The following WDR37 variants were observed in gnomAD, a reference collection of about 807,000 sequenced individuals.
The protein encoded by WDR37 is WD repeat-containing protein 37.
Under a neutral mutation model 62.9 loss-of-function variants are expected in WDR37, and 19 were observed. The observed-to-expected ratio is 0.30, with a 90% CI of 0.21 to 0.44. The LOEUF is 0.44. Among genes scored for constraint, WDR37 ranks in the 20% least tolerant of loss-of-function variants. The pLI, the probability that WDR37 is intolerant of heterozygous loss-of-function variation, is 1.00. For missense variants in WDR37, 474 were observed against 657.6 expected (o/e 0.72, Z 3.05); for synonymous variants, 250 against 260.9 (o/e 0.96, Z 0.40).
intron 1 of WDR37, among the ~76,000 whole-genome samples, chr10:1,066,262 C>T (rs1833538380): frequency 6.6e-6 from 1 of 152,060 alleles, no homozygotes; most frequent in Non-Finnish European, 1.5e-5. Context: ...ACTACAGGTG[C>T]CTGCCACCAC....
Position 1,064,583 on chromosome 10 carries a change from C to CTTTTTTTTTTTTTTTTTT in WDR37, c.-40-7520_-40-7503dup, listed in dbSNP as rs71376884. Among the ~76,000 whole-genome samples, 3 of 70,464 alleles carry CTTTTTTTTTTTTTTTTTT rather than the reference C, an allele frequency of 4.3e-5. 1 individual carries two copies. The highest frequency in any genetic ancestry group is 1.8e-4 in the African/African-American group (3 of 16,548). The allele number at this position is 70,464 out of a possible 152,430, so 46.2% of individuals were successfully genotyped here. A position where few individuals can be genotyped will look rare whatever the true frequency, so the allele number is the denominator to read the frequency against. The stretch of plus-strand genomic sequence containing the variant: ...GGAAACAATTTGAGTGACAATGGAT[C>CTTTTTTTTTTTTTTTTTT]TTTTTTTTTTTTTTTTTTTTTTTTT... On this transcript the variant is annotated intron_variant, in intron 1 of 13. Transcript: ENST00000263150.
At chr10:1,104,167 A>G (rs1834910892) in intron 10 of WDR37, among the ~76,000 whole-genome samples, 1 of 152,178 alleles carries the variant, frequency 6.6e-6, no homozygotes, top group South Asian at 2.1e-4. Flanking sequence ...TTCCCAGGTC[A>G]GTAATTCTGG....
In WDR37 at chr10:1,096,549, C is replaced by T. The variant is rs1264788059; in HGVS notation, c.726+303C>T. The T allele has an allele frequency of 9.9e-6, 4 of 402,062 alleles. No homozygotes were observed. In the Admixed American group the frequency reaches 1.2e-4, roughly 12 times the overall value. 24.9% of individuals were successfully genotyped at this position (402,062 alleles called of 1,614,324 possible). On this transcript the variant is annotated intron_variant, in intron 9 of 13. Transcript: ENST00000263150. ...GAGGGCGGCCGTCTTTAAGGATGAG[C>T]CCGCACCAGAACCTGAATTGGCTTG...
chr10:1,118,688 C>T (rs1835479230), intron 11 of WDR37, among the ~76,000 whole-genome samples: 1 of 152,012 alleles, frequency 6.6e-6, no homozygotes, highest in Non-Finnish European at 1.5e-5. Flanking sequence ...TCCACAGAAG[C>T]GATTTCTCCA....
chr10:1,068,466 A>C (rs1833623186), intron 1 of WDR37, among the ~76,000 whole-genome samples: 1 of 152,070 alleles, frequency 6.6e-6, no homozygotes, highest in African/African-American at 2.4e-5. Context: ...AAAAAACAAA[A>C]AAACAAACAG....
intron 1 of WDR37, among the ~76,000 whole-genome samples, chr10:1,066,244 T>C (rs1030670682): frequency 6.6e-6 from 1 of 152,072 alleles, no homozygotes; most frequent in Non-Finnish European, 1.5e-5. Context: ...GCCTCCTGAG[T>C]ATCTGGGACT....
intron 1 of WDR37, among the ~76,000 whole-genome samples, chr10:1,066,219 C>G (rs1158099943): frequency 6.6e-6 from 1 of 152,064 alleles, no homozygotes; most frequent in Non-Finnish European, 1.5e-5. Context: ...GGGTTGATGC[C>G]ATTCTCCTGC....
chr10:1,125,050 G>T, intron 13 of WDR37, 26 bp downstream of exon 13: 1 of 1,613,454 alleles, frequency 6.2e-7, no homozygotes. Context: ...GTGAACATAT[G>T]CAGGGCACAG....
At chr10:1,125,905 C>T (rs532867132) in intron 13 of WDR37, among the ~76,000 whole-genome samples, 49 of 152,358 alleles carry the variant, frequency 3.2e-4, no homozygotes, top group African/African-American at 8.2e-4. Context: ...TCAGCCCACC[C>T]GTCCTGGTTG....
intron 2 of WDR37, among the ~76,000 whole-genome samples, chr10:1,076,751 A>G (rs958049832): frequency 3.3e-5 from 5 of 151,248 alleles, no homozygotes; most frequent in Non-Finnish European, 5.9e-5. Context: ...GAAAAGTCCC[A>G]TTAAGTATCA....
At chr10:1,072,604 G>A (rs1291246102) in intron 2 of WDR37, among the ~76,000 whole-genome samples, 1 of 152,122 alleles carries the variant, frequency 6.6e-6, no homozygotes, top group African/African-American at 2.4e-5. Flanking sequence ...GTGAGCCACC[G>A]GCCCCGGGAT....
chr10:1,125,323 T>G (rs1835705544), intron 13 of WDR37, among the ~76,000 whole-genome samples: 1 of 152,236 alleles, frequency 6.6e-6, no homozygotes, highest in East Asian at 1.9e-4. Context: ...GCAATTCTTC[T>G]GCCTCAGCCT....
chr10:1,080,326 TC>T, intron 4 of WDR37, 85 bp from the exon 5 acceptor site: 1 of 1,558,658 alleles, frequency 6.4e-7, no homozygotes, highest in Non-Finnish European at 8.8e-7. Context: ...CCCCCTTTCT[TC>T]CTGTGCAAGA....
chr10:1,077,131 G>A (rs1279365588), intron 2 of WDR37, among the ~76,000 whole-genome samples: 3 of 152,174 alleles, frequency 2.0e-5, no homozygotes, highest in South Asian at 2.1e-4. Context: ...TGCCCTCAGG[G>A]AGGTTGGAGT....
At chr10:1,110,231 C>CT (rs1835169718) in intron 11 of WDR37, among the ~76,000 whole-genome samples, 1 of 152,184 alleles carries the variant, frequency 6.6e-6, no homozygotes, top group African/African-American at 2.4e-5. Context: ...GGTTTCTCAG[C>CT]TGTGCGCATG....
intron 1 of WDR37, among the ~76,000 whole-genome samples, chr10:1,063,461 C>T (rs1564494839): frequency 6.6e-6 from 1 of 152,142 alleles, no homozygotes; most frequent in South Asian, 2.1e-4. Flanking sequence ...AACCCTGCAG[C>T]ACCACCCTCA....
At chr10:1,129,159 T>G (rs1476286872) in intron 13 of WDR37, 54 bp from the exon 14 acceptor site, 2 of 1,600,794 alleles carry the variant, frequency 1.2e-6, no homozygotes, top group Non-Finnish European at 1.7e-6. Flanking sequence ...TGAGGTCTTA[T>G]AATCTTACTT....
At chr10:1,104,133 G>A (rs1489693651) in intron 10 of WDR37, among the ~76,000 whole-genome samples, 3 of 152,132 alleles carry the variant, frequency 2.0e-5, no homozygotes, top group Admixed American at 6.5e-5. Context: ...GTCTTAAAAC[G>A]ACAGGAATTG....
intron 11 of WDR37, among the ~76,000 whole-genome samples, chr10:1,113,491 A>G (rs1015325960): frequency 1.3e-5 from 2 of 152,024 alleles, no homozygotes; most frequent in Non-Finnish European, 2.9e-5. Context: ...TATAGCTGCC[A>G]TAGATAGTGA....
Sources: gnomAD v4.1 joint callset for allele counts (sites outside exome capture counted in the v4.1 genomes callset) on GRCh38, gnomAD v4.1.1 for gene constraint, MANE v1.5 for transcripts, NCBI Gene and HGNC (gene_info 2026-07-23, HGNC 2026-07-21) for gene names.